Variants in TMEM178B observed in about 807,000 individuals in gnomAD.
TMEM178B encodes transmembrane protein 178B.
Under a neutral mutation model 31.0 loss-of-function variants are expected in TMEM178B, and 5 were observed. The ratio of observed to expected loss-of-function variants is 0.16; its 90% CI spans 0.08 to 0.34. The LOEUF is 0.34. Among genes scored for constraint, TMEM178B ranks in the 10% least tolerant of loss-of-function variants. TMEM178B has a pLI of 1.00. For missense variants in TMEM178B, 275 were observed against 400.3 expected (o/e 0.69, Z 2.67); for synonymous variants, 164 against 164.0 (o/e 1.00, Z 0.00).
At chr7:141,236,413 T>C (rs1005524019) in intron 2 of TMEM178B, among the ~76,000 whole-genome samples, 5 of 152,154 alleles carry the variant, frequency 3.3e-5, no homozygotes, top group African/African-American at 1.2e-4. Flanking sequence ...TACTTCTTTC[T>C]CCCCTGGCTG....
intron 2 of TMEM178B, among the ~76,000 whole-genome samples, chr7:141,214,642 G>C (rs182138361): frequency 6.6e-6 from 1 of 152,284 alleles, no homozygotes; most frequent in African/African-American, 2.4e-5. Flanking sequence ...ACCTAGGGAG[G>C]CATCGCTGGA....
At chr7:141,402,522 C>T (rs1488330042) in intron 2 of TMEM178B, among the ~76,000 whole-genome samples, 3 of 152,216 alleles carry the variant, frequency 2.0e-5, no homozygotes, top group Non-Finnish European at 4.4e-5. Flanking sequence ...CTCAGCGTGC[C>T]AAGCCACCAG....
At chr7:141,345,567 C>T (rs73518795) in intron 2 of TMEM178B, among the ~76,000 whole-genome samples, 3,576 of 152,222 alleles carry the variant, frequency 0.023, 166 homozygotes, top group African/African-American at 0.081. Context: ...TCATGTTATC[C>T]TTGTTATGTT....
At chr7:141,311,787 A>G (rs1798914820) in intron 2 of TMEM178B, among the ~76,000 whole-genome samples, 1 of 152,210 alleles carries the variant, frequency 6.6e-6, no homozygotes, top group African/African-American at 2.4e-5. Context: ...AGTGAGGACA[A>G]AGTTTGAGCA....
At chr7:141,253,567 T>TTTTTC (rs1797870366) in intron 2 of TMEM178B, among the ~76,000 whole-genome samples, 1 of 147,306 alleles carries the variant, frequency 6.8e-6, no homozygotes, top group Non-Finnish European at 1.5e-5. Context: ...TTTTTTTTTT[T>TTTTTC]GAGATGGAGT....
At chr7:141,257,050 C>T (rs996170431) in intron 2 of TMEM178B, among the ~76,000 whole-genome samples, 2 of 151,944 alleles carry the variant, frequency 1.3e-5, no homozygotes, top group East Asian at 1.9e-4. Context: ...CCCAACAACT[C>T]GTATTGAGAC....
rs184838866 is a variant in TMEM178B, at chr7:141,117,347, C to T, written c.382+42655C>T. Reference sequence around the variant, plus strand: ...AGTGTCTGTTCATATCCTTTGCCCACTTTTTGATGGTTTTTTTTTCTTGTA... The same window carrying T: ...AGTGTCTGTTCATATCCTTTGCCCATTTTTTGATGGTTTTTTTTTCTTGTA... On this transcript the variant is annotated intron_variant, in intron 1 of 3. Coordinates refer to ENST00000565468, the MANE Select transcript of TMEM178B (RefSeq NM_001195278.2). 1.2e-4 allele frequency among the ~76,000 whole-genome samples: 19 copies of T among 152,134 alleles called. 1 individual carries two copies. The highest frequency in any genetic ancestry group is 4.6e-4 in the African/African-American group (19 of 41,506).
chr7:141,363,540 C>T lies in TMEM178B; in HGVS notation c.497-74068C>T, dbSNP rs150573060. Among the ~76,000 whole-genome samples the T allele has an allele frequency of 2.7e-3, 407 of 152,248 alleles. 3 individuals carry two copies. Among genetic ancestry groups the T allele is most frequent in the African/African-American group, 8.9e-3 (370 of 41,552 alleles). ...CATGGGTGGGAGACCAGGACTTGAA[C>T]GCAATTCTCTGATTCTAACTGCAGT... On this transcript the variant is annotated intron_variant, in intron 2 of 3. Coordinates refer to ENST00000565468, the MANE Select transcript of TMEM178B (RefSeq NM_001195278.2).
At chr7:141,491,037 AT>A in the TMEM178B span, among the ~76,000 whole-genome samples, 1 of 151,340 alleles carries the variant, frequency 6.6e-6, no homozygotes, top group Non-Finnish European at 1.5e-5. Context: ...TTACTTTTTT[AT>A]TTTTTTTGAG....
intron 1 of TMEM178B, among the ~76,000 whole-genome samples, chr7:141,178,632 A>G (rs1043277367): frequency 2.0e-5 from 3 of 152,232 alleles, no homozygotes; most frequent in Non-Finnish European, 4.4e-5. Context: ...ATACGCTGTC[A>G]TCATCAAAAG....
At chr7:141,389,456 C>T (rs970082169) in intron 2 of TMEM178B, among the ~76,000 whole-genome samples, 3 of 152,130 alleles carry the variant, frequency 2.0e-5, no homozygotes, top group African/African-American at 7.2e-5. Flanking sequence ...AAAGAAGGTA[C>T]ATCTGTACAC....
intron 2 of TMEM178B, among the ~76,000 whole-genome samples, chr7:141,312,236 G>A (rs56190564): frequency 0.13 from 20,190 of 152,244 alleles, 1,682 homozygotes; most frequent in Non-Finnish European, 0.19. Flanking sequence ...AACATGGTCT[G>A]AACTGAACAC....
At chr7:141,487,981 G>A in the TMEM178B span, among the ~76,000 whole-genome samples, 5 of 151,856 alleles carry the variant, frequency 3.3e-5, no homozygotes, top group South Asian at 8.3e-4. Context: ...CACCATAATT[G>A]GTGGTTTTAA....
intron 2 of TMEM178B, among the ~76,000 whole-genome samples, chr7:141,397,214 C>G (rs1233308293): frequency 1.3e-5 from 2 of 152,150 alleles, no homozygotes; most frequent in East Asian, 1.9e-4. Context: ...GCTTCTTTCC[C>G]CCAGAAATGG....
At chr7:141,143,615 T>G (rs1382091756) in intron 1 of TMEM178B, among the ~76,000 whole-genome samples, 1 of 152,248 alleles carries the variant, frequency 6.6e-6, no homozygotes, top group Non-Finnish European at 1.5e-5. Flanking sequence ...TTTTGGTTGC[T>G]GTAGGCTTAT....
intron 2 of TMEM178B, among the ~76,000 whole-genome samples, chr7:141,320,177 T>C (rs575750940): frequency 4.2e-4 from 64 of 152,286 alleles, no homozygotes; most frequent in African/African-American, 1.5e-3. Context: ...TCTTCCACCA[T>C]GATTGTAAGT....
chr7:141,329,070 A>G (rs112684251), intron 2 of TMEM178B, among the ~76,000 whole-genome samples: 2,660 of 152,240 alleles, frequency 0.017, 85 homozygotes, highest in African/African-American at 0.061. Flanking sequence ...CTTGGAATCA[A>G]CCCTGAAACC....
At chr7:141,159,152 TCTC>T (rs1796125214) in intron 1 of TMEM178B, among the ~76,000 whole-genome samples, 1 of 152,068 alleles carries the variant, frequency 6.6e-6, no homozygotes, top group Middle Eastern at 3.2e-3. Flanking sequence ...GTTGCTTACA[TCTC>T]CTCATCTCCT....
rs199531168 is a variant in TMEM178B at position 141,237,555 on chromosome 7, A to C, written c.496+24851A>C. 3.3e-5 allele frequency among the ~76,000 whole-genome samples: 5 copies of C among 152,378 alleles called. No individual in the cohort carries two copies. In the East Asian group the frequency reaches 9.6e-4, roughly 29 times the overall value. ...AGATAATATATACACATATACATAG[A>C]AAAGGGCTGCAAGGAAATAAACCAA... On this transcript the variant is annotated intron_variant, in intron 2 of 3. Coordinates refer to ENST00000565468, the MANE Select transcript of TMEM178B (RefSeq NM_001195278.2).
Sources: allele counts gnomAD v4.1 joint callset (sites outside exome capture counted in the v4.1 genomes callset), GRCh38; gene constraint gnomAD v4.1.1; transcripts MANE v1.5; gene names NCBI Gene and HGNC (gene_info 2026-07-23, HGNC 2026-07-21).